The following NCOA7 variants were observed in gnomAD, a reference collection of about 807,000 sequenced individuals.
NCOA7 encodes nuclear receptor coactivator 7, also known as 140 kDa estrogen receptor-associated protein.
A neutral mutation model predicts 104.3 loss-of-function variants in NCOA7; 45 were observed. That is an observed-to-expected ratio of 0.43 (90% CI 0.34 to 0.55). The LOEUF is 0.55. NCOA7 is among the 20% of genes least tolerant of loss of function. The pLI, the probability that NCOA7 is intolerant of heterozygous loss-of-function variation, is 0.02. For missense variants in NCOA7, 1,041 were observed against 1,119.7 expected (o/e 0.93, Z 1.00); for synonymous variants, 398 against 402.3 (o/e 0.99, Z 0.13).
intron 2 of NCOA7, among the ~76,000 whole-genome samples, chr6:125,838,677 G>A (rs1779841500): frequency 6.6e-6 from 1 of 152,068 alleles, no homozygotes; most frequent in South Asian, 2.1e-4. Context: ...CTCAGAGTTA[G>A]CCTCAGACTC....
At chr6:125,835,322 T>C (rs1779523993) in intron 2 of NCOA7, among the ~76,000 whole-genome samples, 1 of 151,896 alleles carries the variant, frequency 6.6e-6, no homozygotes, top group South Asian at 2.1e-4. Context: ...ATTCCTGTAA[T>C]AGTCAGGAAG....
In NCOA7 at chr6:125,931,493, A is replaced by T. The variant is rs1788463162; in HGVS notation, c.*2722A>T. 1 of 152,138 alleles carries T rather than the reference A, an allele frequency of 6.6e-6. No homozygotes were observed. Among genetic ancestry groups the T allele is most frequent in the African/African-American group, 2.4e-5 (1 of 41,426 alleles). The allele number at this position is 152,138 out of a possible 1,614,324, so 9.4% of individuals were successfully genotyped here. ...ACACCTAGCCCCTAGATGTTGGGCTAGATGAAGACCCCAAGCAGTCTTCAT... is the reference window on the plus strand; with the variant it reads ...ACACCTAGCCCCTAGATGTTGGGCTTGATGAAGACCCCAAGCAGTCTTCAT... On this transcript the variant is annotated 3_prime_UTR_variant, in exon 16 of 16. Coordinates refer to ENST00000392477, the MANE Select transcript of NCOA7 (RefSeq NM_181782.5).
At chr6:125,835,728 C>T (rs1361090685) in intron 2 of NCOA7, among the ~76,000 whole-genome samples, 1 of 152,206 alleles carries the variant, frequency 6.6e-6, no homozygotes, top group African/African-American at 2.4e-5. Context: ...TTTGATTGGA[C>T]AGGCCCACAT....
intron 11 of NCOA7, among the ~76,000 whole-genome samples, chr6:125,916,563 C>T (rs1209124737): frequency 1.3e-5 from 2 of 152,238 alleles, no homozygotes; most frequent in African/African-American, 4.8e-5. Context: ...GTCTACCCCT[C>T]CTTCCTGTTC....
At position 125,885,153 on chromosome 6, in the gene NCOA7, C is replaced by T. The variant is rs773880953; in HGVS notation, c.700-6C>T. 1 of 1,613,624 alleles carries T rather than the reference C, an allele frequency of 6.2e-7. No individual in the cohort carries two copies. The highest frequency in any genetic ancestry group is 8.5e-7 in the Non-Finnish European group (1 of 1,179,686). ...AGTGATTCTGTCCTGTTGCTTTCTC[C>T]TGCAGGGTGTGGTTGGCGGTGTTAT... On this transcript the variant is annotated splice_region_variant and splice_polypyrimidine_tract_variant and intron_variant, in intron 7 of 15. Coordinates refer to ENST00000392477, the MANE Select transcript of NCOA7 (RefSeq NM_181782.5).
intron 6 of NCOA7, among the ~76,000 whole-genome samples, 200 bp downstream of exon 6, chr6:125,881,403 G>C (rs1334183150): frequency 2.0e-5 from 3 of 152,108 alleles, no homozygotes; most frequent in Non-Finnish European, 2.9e-5. Flanking sequence ...AGACACAGTG[G>C]CTCAGCCTGT....
At chr6:125,870,743 G>T (rs1467197009) in intron 3 of NCOA7, among the ~76,000 whole-genome samples, 1 of 152,112 alleles carries the variant, frequency 6.6e-6, no homozygotes, top group Admixed American at 6.5e-5. Context: ...TTGTATTGGG[G>T]ATTATCTCAG....
chr6:125,882,286 G>T (rs1583454155), intron 6 of NCOA7, 140 bp from the exon 7 acceptor site: 8 of 793,540 alleles, frequency 1.0e-5, no homozygotes, highest in South Asian at 8.5e-5. Flanking sequence ...TATTTTTGAA[G>T]GACAGAGGAT....
At chr6:125,833,428 A>G (rs1445508484) in intron 2 of NCOA7, among the ~76,000 whole-genome samples, 2 of 152,074 alleles carry the variant, frequency 1.3e-5, no homozygotes, top group Non-Finnish European at 2.9e-5. Flanking sequence ...TGTACTAAAA[A>G]TACAAAAATT....
At chr6:125,814,975 A>G (rs1777447885) in intron 1 of NCOA7, among the ~76,000 whole-genome samples, 1 of 152,220 alleles carries the variant, frequency 6.6e-6, no homozygotes, top group South Asian at 2.1e-4. Flanking sequence ...AATAATTAGC[A>G]TCTACATAGT....
At chr6:125,898,607 A>G (rs191619900) in intron 10 of NCOA7, among the ~76,000 whole-genome samples, 1 of 152,278 alleles carries the variant, frequency 6.6e-6, no homozygotes, top group East Asian at 1.9e-4. Flanking sequence ...CCATATGTCT[A>G]TGATAATCTT....
rs185045283 is a variant in NCOA7, at chr6:125,896,716, C to T, written c.2096+5906C>T. 2.4e-3 allele frequency among the ~76,000 whole-genome samples: 370 copies of T among 152,210 alleles called. 2 individuals carry two copies. Among genetic ancestry groups the T allele is most frequent in the Admixed American group, 4.5e-3 (69 of 15,294 alleles). ...CTGAAGTGGGAAGATCACTTGAGCC[C>T]GAGATGCTGAGGCTGCAGTGAGCTA... On this transcript the variant is annotated intron_variant, in intron 10 of 15. Transcript: ENST00000392477.
At chr6:125,927,105 A>T (rs566480472) in intron 13 of NCOA7, among the ~76,000 whole-genome samples, 1 of 152,364 alleles carries the variant, frequency 6.6e-6, no homozygotes, top group Admixed American at 6.5e-5. Flanking sequence ...GTCACTTTGA[A>T]CTAAACTATA....
intron 7 of NCOA7, among the ~76,000 whole-genome samples, chr6:125,883,487 A>G (rs1784014656): frequency 6.6e-6 from 1 of 152,180 alleles, no homozygotes. Flanking sequence ...TTACCTAAAA[A>G]GAAACTCCAT....
intron 10 of NCOA7, among the ~76,000 whole-genome samples, chr6:125,906,621 T>C (rs966025286): frequency 2.0e-5 from 3 of 152,014 alleles, no homozygotes; most frequent in Admixed American, 6.5e-5. Context: ...AGGGTGAGCC[T>C]GAAAGAGAGA....
chr6:125,910,584 G>A (rs1250423213), intron 10 of NCOA7, among the ~76,000 whole-genome samples: 4 of 152,216 alleles, frequency 2.6e-5, no homozygotes, highest in African/African-American at 7.2e-5. Flanking sequence ...TTCAGTGGTT[G>A]AAGAGAGAGA....
chr6:125,926,615 G>A (rs1788062286), intron 13 of NCOA7, among the ~76,000 whole-genome samples: 1 of 152,112 alleles, frequency 6.6e-6, no homozygotes, highest in South Asian at 2.1e-4. Flanking sequence ...AGGTTTGGTA[G>A]CAAGAAGTAT....
chr6:125,881,506 C>T (rs191333061), intron 6 of NCOA7, among the ~76,000 whole-genome samples: 42 of 151,868 alleles, frequency 2.8e-4, no homozygotes, highest in Admixed American at 2.6e-3. Context: ...TCTGTCTCTA[C>T]GAAATATTTT....
chr6:125,856,159 A>G (rs985833636), intron 3 of NCOA7, among the ~76,000 whole-genome samples: 1 of 152,162 alleles, frequency 6.6e-6, no homozygotes, highest in South Asian at 2.1e-4. Flanking sequence ...CATACAGGTT[A>G]TGGCATACTT....
Sources: gnomAD v4.1 joint callset for allele counts (sites outside exome capture counted in the v4.1 genomes callset) on GRCh38, gnomAD v4.1.1 for gene constraint, MANE v1.5 for transcripts, NCBI Gene and HGNC (gene_info 2026-07-23, HGNC 2026-07-21) for gene names.